Variants in ATP2C2 observed in about 807,000 individuals in gnomAD.
The protein encoded by ATP2C2 is calcium-transporting ATPase type 2C member 2.
Under a neutral mutation model 110.8 loss-of-function variants are expected in ATP2C2, and 171 were observed. The observed-to-expected ratio is 1.54, with a 90% confidence interval of 1.36 to 1.75. The LOEUF (loss-of-function observed/expected upper bound fraction) is 1.75, where lower values mean the gene tolerates loss of function less well. Among genes scored for constraint, ATP2C2 ranks in the 40% most tolerant of loss-of-function variants. ATP2C2 has a pLI of 0.00. For missense variants in ATP2C2, 1,963 were observed against 1,235.0 expected, an observed-to-expected ratio of 1.59 and a Z score of -8.84; for synonymous variants, 804 against 508.4, an observed-to-expected ratio of 1.58 and a Z score of -7.82.
intron 13 of ATP2C2, among the ~76,000 whole-genome samples, chr16:84,440,038 A>G (rs1331399139): frequency 6.6e-6 from 1 of 152,184 alleles, no homozygotes; most frequent in African/African-American, 2.4e-5. Flanking sequence ...GTATCACTAT[A>G]TGTTGGCCAG....
chr16:84,463,534 G>C (rs759571613), intron 26 of ATP2C2, 80 bp from the exon 27 acceptor site: 15 of 1,170,964 alleles, frequency 1.3e-5, no homozygotes, highest in Non-Finnish European at 1.9e-5. Context: ...TTATCAGGAG[G>C]ACTGGCAGGG....
At position 84,408,433 on chromosome 16, in the gene ATP2C2, T is replaced by C. The variant is rs1283553165; in HGVS notation, c.356T>C (p.Leu119Pro). Residue 119 changes from leucine (L) to proline (P), a missense_variant, in exon 4 of 27, where the codon CTG (leucine) becomes CCG (proline). Coordinates refer to ENST00000262429, the MANE Select transcript of ATP2C2 (RefSeq NM_014861.4). ...AAGAACCCCCTGATCCTGCTGCTGC[T>C]GGGCTCTGCCCTGGTGAGTGTCCTC... ...QFKNPLILLL[L>P]GSALVSVLTK... 1 of 1,613,800 alleles carries C rather than the reference T, an allele frequency of 6.2e-7. No individual in the cohort carries two copies. The highest frequency in any genetic ancestry group is 2.2e-5 in the East Asian group (1 of 44,876).
intron 26 of ATP2C2, chr16:84,462,974 G>C (rs985316803): frequency 6.5e-6 from 1 of 153,918 alleles, no homozygotes; most frequent in Admixed American, 6.4e-5. Context: ...AAAAAGCAGT[G>C]TCAGTGTGGG....
At chr16:84,396,627 G>A (rs1362673230) in intron 1 of ATP2C2, among the ~76,000 whole-genome samples, 2 of 151,500 alleles carry the variant, frequency 1.3e-5, no homozygotes, top group Admixed American at 6.6e-5. Context: ...GGGCAGCTGA[G>A]TGAGTGTGGG....
At chr16:84,454,514 G>T (rs1488930152) in intron 20 of ATP2C2, among the ~76,000 whole-genome samples, 1 of 149,798 alleles carries the variant, frequency 6.7e-6, no homozygotes, top group Non-Finnish European at 1.5e-5. Context: ...TTATTACTGG[G>T]ACTGGATAAC....
intron 1 of ATP2C2, among the ~76,000 whole-genome samples, chr16:84,369,238 C>A (rs562833341): frequency 4.6e-5 from 7 of 152,328 alleles, no homozygotes; most frequent in Admixed American, 4.6e-4. Context: ...GAGCTGTATG[C>A]CTGCTTTGCA....
chr16:84,403,936 C>T (rs1343180108), intron 2 of ATP2C2, among the ~76,000 whole-genome samples: 1 of 152,202 alleles, frequency 6.6e-6, no homozygotes, highest in Non-Finnish European at 1.5e-5. Flanking sequence ...GGTGATCTGC[C>T]TGCCTTGGCC....
At chr16:84,386,311 CTG>C (rs1284248229) in intron 1 of ATP2C2, among the ~76,000 whole-genome samples, 1 of 152,190 alleles carries the variant, frequency 6.6e-6, no homozygotes, top group African/African-American at 2.4e-5. Flanking sequence ...CTGTCTCTCT[CTG>C]TATCTCCATA....
At chr16:84,425,303 A>C (rs1907711982) in intron 10 of ATP2C2, among the ~76,000 whole-genome samples, 1 of 152,202 alleles carries the variant, frequency 6.6e-6, no homozygotes, top group Non-Finnish European at 1.5e-5. Context: ...AGGAAAATGG[A>C]AATGGAGTAT....
intron 11 of ATP2C2, among the ~76,000 whole-genome samples, chr16:84,434,332 C>G (rs1319865803): frequency 6.6e-6 from 1 of 151,672 alleles, no homozygotes; most frequent in African/African-American, 2.4e-5. Context: ...AGGAGAATCA[C>G]TTGAACCCTG....
rs757684480 is a variant in ATP2C2, at chr16:84,398,485, T to C, written c.100-14T>C. The C allele has an allele frequency of 6.3e-7, 1 of 1,578,604 alleles. No homozygotes were observed. The highest frequency in any genetic ancestry group is 8.6e-7 in the Non-Finnish European group (1 of 1,159,980). On this transcript the variant is annotated splice_polypyrimidine_tract_variant and intron_variant, in intron 1 of 26. Coordinates refer to ENST00000262429, the MANE Select transcript of ATP2C2 (RefSeq NM_014861.4). ...AGTTCAATCCGCTAAACAGCAACCC[T>C]GCTCTTTTCACAGATTGATGAACAG...
rs376254055 is a variant in ATP2C2, at chr16:84,449,957, C to T, written c.1660+1268C>T. On this transcript the variant is annotated intron_variant, in intron 17 of 26. Coordinates refer to ENST00000262429, the MANE Select transcript of ATP2C2 (RefSeq NM_014861.4). ...CAGGTTAAGTGCCTGTGTGAGGCCA[C>T]GCCCTGAATCCCCACCGGGCAGAGG... 9.2e-5 allele frequency among the ~76,000 whole-genome samples: 14 copies of T among 152,336 alleles called. No homozygotes were observed. The East Asian group carries it at 9.7e-4, about 11-fold the overall frequency.
chr16:84,428,545 C>T (rs1907987469), intron 11 of ATP2C2, among the ~76,000 whole-genome samples: 1 of 151,728 alleles, frequency 6.6e-6, no homozygotes, highest in South Asian at 2.1e-4. Context: ...GCTGAGAGCA[C>T]ACAAAAAAAA....
Position 84,396,522 on chromosome 16 carries a change from C to T in ATP2C2, c.100-1977C>T, listed in dbSNP as rs1023950565. 2.1e-5 allele frequency among the ~76,000 whole-genome samples: 3 copies of T among 143,610 alleles called. No homozygotes were observed. The Admixed American group carries it at 2.2e-4, about 10-fold the overall frequency. The allele number at this position is 143,610 out of a possible 152,430, so 94.2% of individuals were successfully genotyped here. A position where few individuals can be genotyped will look rare whatever the true frequency, so the allele number is the denominator to read the frequency against. On this transcript the variant is annotated intron_variant, in intron 1 of 26. Transcript: ENST00000262429. ...CCGAGGTCGCACCACTGCACTCCAG[C>T]CTGGGTGACAGAGTGAGGCTCTATC...
In ATP2C2 at chr16:84,452,014, C is replaced by T. The variant is rs544756548; in HGVS notation, c.1754C>T (p.Ala585Val). ...CCCCCGAGAGTTGGCGTGAAGGAAG[C>T]AGTCCAGGTTCTCTCCGAGTCTGGT... The part of the protein sequence containing the change: ...IDPPRVGVKE[A>V]VQVLSESGVS... The change falls in exon 18 of 27, where the codon GCA (alanine) becomes GTA (valine). Residue 585 changes from alanine to valine, a missense_variant. Coordinates refer to ENST00000262429, the MANE Select transcript of ATP2C2 (RefSeq NM_014861.4). 22 of 1,613,390 alleles carry T rather than the reference C, an allele frequency of 1.4e-5. No homozygotes were observed. The East Asian group carries it at 3.1e-4, about 23-fold the overall frequency.
intron 3 of ATP2C2, among the ~76,000 whole-genome samples, chr16:84,405,542 C>T (rs1230576384): frequency 6.6e-6 from 1 of 152,230 alleles, no homozygotes; most frequent in Non-Finnish European, 1.5e-5. Context: ...CGCCTTTGCA[C>T]ATGAGGAAGG....
chr16:84,431,003 C>G (rs1206868286), intron 11 of ATP2C2, among the ~76,000 whole-genome samples: 1 of 152,010 alleles, frequency 6.6e-6, no homozygotes, highest in Non-Finnish European at 1.5e-5. Context: ...TTTGTTTGCC[C>G]CATGAATATG....
chr16:84,462,110 G>C lies in ATP2C2; in HGVS notation c.2703G>C (p.Thr901=), dbSNP rs182679301. 200 of 1,613,514 alleles carry C rather than the reference G, an allele frequency of 1.2e-4. No homozygotes were observed. In the African/African-American group the frequency reaches 2.3e-3, roughly 18 times the overall value. Residue 901 remains threonine (T), a synonymous_variant, in exon 26 of 27, where the codon ACG becomes ACC. Transcript: ENST00000262429. Reference sequence around the variant, plus strand: ...CCCCGCTGCAGAGGGTCTTCCAGACGGAGAACCTGGGAGCGCTTGGTGAGT... The same window carrying C: ...CCCCGCTGCAGAGGGTCTTCCAGACCGAGAACCTGGGAGCGCTTGGTGAGT... ...YIPPLQRVFQ[T]ENLGALDLLF... is the part of the protein sequence containing the mutation.
At chr16:84,460,853 G>C (rs746207563) in intron 24 of ATP2C2, 52 bp downstream of exon 24, 22 of 1,551,262 alleles carry the variant, frequency 1.4e-5, no homozygotes, top group Non-Finnish European at 1.7e-5. Flanking sequence ...CGGTGCAGAC[G>C]CTGGGGACTG....
Sources: allele counts gnomAD v4.1 joint callset (sites outside exome capture counted in the v4.1 genomes callset), GRCh38; gene constraint gnomAD v4.1.1; transcripts MANE v1.5; gene names NCBI Gene and HGNC (gene_info 2026-07-23, HGNC 2026-07-21).